The following ABCC5 variants were observed in gnomAD, a reference collection of about 807,000 sequenced individuals.
The protein encoded by ABCC5 is ATP-binding cassette sub-family C member 5.
A neutral mutation model predicts 160.9 loss-of-function variants in ABCC5; 61 were observed. That is an observed-to-expected ratio of 0.38 (90% confidence interval 0.31 to 0.47). The LOEUF (loss-of-function observed/expected upper bound fraction) is 0.47, where lower values mean the gene tolerates loss of function less well. ABCC5 is among the 20% of genes least tolerant of loss of function. The pLI, the probability that ABCC5 is intolerant of heterozygous loss-of-function variation, is 0.99. For missense variants in ABCC5, 1,308 were observed against 1,813.3 expected (o/e 0.72, Z 5.06); for synonymous variants, 666 against 700.6 (o/e 0.95, Z 0.78).
chr3:183,925,141 G>A (rs1189831975), intron 29 of ABCC5, among the ~76,000 whole-genome samples: 13 of 152,350 alleles, frequency 8.5e-5, no homozygotes, highest in African/African-American at 2.6e-4. Context: ...GTAGGCCTCC[G>A]GGAGCGGTAA....
intron 28 of ABCC5, among the ~76,000 whole-genome samples, chr3:183,926,805 G>T (rs896774435): frequency 1.3e-5 from 2 of 152,108 alleles, no homozygotes; most frequent in African/African-American, 4.8e-5. Flanking sequence ...CCAGCACTTT[G>T]GGAGGCCAAA....
chr3:183,924,321 A>T (rs1712312366), intron 29 of ABCC5, among the ~76,000 whole-genome samples: 3 of 151,878 alleles, frequency 2.0e-5, no homozygotes. Flanking sequence ...TGCCCGGCCT[A>T]CTCCACTTCC....
intron 10 of ABCC5, among the ~76,000 whole-genome samples, chr3:183,976,774 G>A (rs1007394269): frequency 5.3e-5 from 8 of 152,108 alleles, no homozygotes; most frequent in African/African-American, 1.9e-4. Context: ...GGCCAATAAA[G>A]ACAAGCAGGG....
Position 183,935,122 on chromosome 3 carries a change from G to A in ABCC5, c.3854+2779C>T, listed in dbSNP as rs139287204. 2.1e-3 allele frequency among the ~76,000 whole-genome samples: 312 copies of A among 148,256 alleles called. 2 individuals carry two copies. The highest frequency in any genetic ancestry group is 7.4e-3 in the African/African-American group (297 of 40,106). On this transcript the variant is annotated intron_variant, in intron 26 of 29. Transcript: ENST00000334444. ...TCAAACTCCTGACCTCAGGTGATCCGCCCTCCTCGGCCTCCCAAAGTGCTG... is the reference window on the plus strand; with the variant it reads ...TCAAACTCCTGACCTCAGGTGATCCACCCTCCTCGGCCTCCCAAAGTGCTG...
At chr3:183,967,428 A>G in intron 12 of ABCC5, 1 of 424,160 alleles carries the variant, frequency 2.4e-6, no homozygotes, top group Non-Finnish European at 4.4e-6. Context: ...CAATAGATAC[A>G]TGCTGAATGA....
intron 2 of ABCC5, among the ~76,000 whole-genome samples, chr3:184,005,631 G>C (rs73048474): frequency 0.016 from 2,183 of 136,786 alleles, 44 homozygotes; most frequent in African/African-American, 0.056. Context: ...ATTAAAAAAA[G>C]CATGAACAGG....
intron 15 of ABCC5, among the ~76,000 whole-genome samples, chr3:183,962,963 C>A (rs2108820418): frequency 6.6e-6 from 1 of 152,342 alleles, no homozygotes; most frequent in South Asian, 2.1e-4. Flanking sequence ...CTAAACGTGA[C>A]AACATATGTG....
At chr3:183,924,237 C>T (rs1577443672) in intron 29 of ABCC5, among the ~76,000 whole-genome samples, 4 of 152,236 alleles carry the variant, frequency 2.6e-5, no homozygotes, top group Admixed American at 2.6e-4. Flanking sequence ...CCAGGCTGCT[C>T]TTGAACGCCT....
At chr3:183,965,094 C>T in intron 14 of ABCC5, 91 bp downstream of exon 14, 1 of 1,349,550 alleles carries the variant, frequency 7.4e-7, no homozygotes, top group South Asian at 1.3e-5. Context: ...TGAGGCTCTT[C>T]TCCCAAGCAT....
intron 17 of ABCC5, among the ~76,000 whole-genome samples, chr3:183,955,076 G>A (rs1359575491): frequency 3.3e-5 from 5 of 152,176 alleles, no homozygotes; most frequent in Non-Finnish European, 5.9e-5. Flanking sequence ...TTCTTGTCAT[G>A]TAGATGAAGC....
At chr3:183,944,228 T>C (rs144281750) in intron 24 of ABCC5, among the ~76,000 whole-genome samples, 2 of 152,086 alleles carry the variant, frequency 1.3e-5, no homozygotes, top group African/African-American at 2.4e-5. Flanking sequence ...AACCTATCTC[T>C]ACAAAAAATA....
intron 5 of ABCC5, chr3:183,985,177 C>A: frequency 1.1e-6 from 1 of 929,952 alleles, no homozygotes; most frequent in South Asian, 1.6e-5. Flanking sequence ...AAAATCCAAC[C>A]AAAATTTAGT....
Position 183,982,449 on chromosome 3 carries a change from AC to A in ABCC5, c.999+1del. 6.2e-7 allele frequency: 1 copy of A among 1,613,038 alleles called. No homozygotes were observed. Among genetic ancestry groups the A allele is most frequent in the East Asian group, 2.2e-5 (1 of 44,854 alleles). Reference sequence around the variant, plus strand: ...CAGGATTCAGCTGGGAGGCTTACTCACCATTGCTGGGTAAAAGAGGATAAAA... The same window carrying A: ...CAGGATTCAGCTGGGAGGCTTACTCACATTGCTGGGTAAAAGAGGATAAAA... On this transcript the variant is annotated splice_donor_variant, in intron 7 of 29. Transcript: ENST00000334444. LOFTEE classifies it high-confidence loss of function. This position sits in a 1 kb window ranked among gnomAD's most constrained non-coding sequence, Gnocchi z 5.2.
At chr3:183,975,372 C>T (rs138673196) in intron 10 of ABCC5, among the ~76,000 whole-genome samples, 1 of 151,900 alleles carries the variant, frequency 6.6e-6, no homozygotes, top group African/African-American at 2.4e-5. Context: ...GACAGAGTCT[C>T]GCTGTGTTGC....
chr3:183,963,421 C>T lies in ABCC5; in HGVS notation c.2199G>A (p.Lys733=), dbSNP rs1192870443. Residue 733 remains lysine, a synonymous_variant, in exon 15 of 30, where the codon AAG becomes AAA. Transcript: ENST00000334444. This position sits in a 1 kb window ranked among gnomAD's most constrained non-coding sequence, Gnocchi z 4.6. ...GGGTAACAAACAGAACTGTCTTGGA[C>T]TTGAGATGTTTCCGGATAGCACTAT... The part of the protein sequence containing the change: ...IFNSAIRKHL[K]SKTVLFVTHQ... The T allele has an allele frequency of 6.2e-7, 1 of 1,614,256 alleles. No homozygotes were observed. Among genetic ancestry groups the T allele is most frequent in the East Asian group, 2.2e-5 (1 of 44,890 alleles).
chr3:184,009,190 C>T (rs555726223), intron 2 of ABCC5, among the ~76,000 whole-genome samples: 6 of 152,086 alleles, frequency 3.9e-5, no homozygotes, highest in Non-Finnish European at 5.9e-5. Context: ...GTTAATTCCA[C>T]GTGTTAAAGG....
intron 26 of ABCC5, among the ~76,000 whole-genome samples, chr3:183,934,479 C>G (rs1321037206): frequency 6.6e-6 from 1 of 152,190 alleles, no homozygotes; most frequent in Non-Finnish European, 1.5e-5. Flanking sequence ...TCACTTTGCA[C>G]AGCTGACTTC....
rs1054939268 is a variant in ABCC5 at position 183,949,140 on chromosome 3, T to C, written c.3227+613A>G. ...TATCAGTACCTATAGAGCTCCCTCA[T>C]TCTTTTTAAGGGCCACATAGTACTC... On this transcript the variant is annotated intron_variant, in intron 22 of 29. Coordinates refer to ENST00000334444, the MANE Select transcript of ABCC5 (RefSeq NM_005688.4). The surrounding 1 kb of genome is among the most constrained non-coding windows in gnomAD (Gnocchi z 4.2). Among the ~76,000 whole-genome samples, 3 of 152,242 alleles carry C rather than the reference T, an allele frequency of 2.0e-5. No individual in the cohort carries two copies. In the East Asian group the frequency reaches 5.8e-4, roughly 29 times the overall value.
intron 10 of ABCC5, among the ~76,000 whole-genome samples, chr3:183,974,372 A>G (rs1235635769): frequency 6.6e-6 from 1 of 152,124 alleles, no homozygotes; most frequent in African/African-American, 2.4e-5. Context: ...CAGTGGCGCA[A>G]TCTCAGCTCA....
Sources: gnomAD v4.1 joint callset for allele counts (sites outside exome capture counted in the v4.1 genomes callset) on GRCh38, gnomAD v4.1.1 for gene constraint, Gnocchi (gnomAD v3.1) non-coding constraint, MANE v1.5 for transcripts, NCBI Gene and HGNC (gene_info 2026-07-23, HGNC 2026-07-21) for gene names.